PIEZO2: variants seen among roughly 807,000 people sequenced by gnomAD.
PIEZO2 encodes piezo-type mechanosensitive ion channel component 2.
PIEZO2 carries 172 observed loss-of-function variants against 337.3 expected under a neutral mutation model. The ratio of observed to expected loss-of-function variants is 0.51; its 90% CI spans 0.45 to 0.58. The LOEUF (loss-of-function observed/expected upper bound fraction) is 0.58, where lower values mean the gene tolerates loss of function less well. PIEZO2 is among the 20% of genes least tolerant of loss of function. The pLI is 0.00. For missense variants in PIEZO2, 3,028 were observed against 3,391.3 expected (o/e 0.89, Z 2.66); for synonymous variants, 1,251 against 1,228.5 (o/e 1.02, Z -0.38).
At chr18:10,696,014 A>T in intron 47 of PIEZO2, 60 bp downstream of exon 47, 1 of 1,482,782 alleles carries the variant, frequency 6.7e-7, no homozygotes, top group South Asian at 1.1e-5. Context: ...TGCGAGTATC[A>T]CCTCAGGAAA....
chr18:10,995,267 A>G (rs927279836), intron 2 of PIEZO2, among the ~76,000 whole-genome samples: 1 of 152,028 alleles, frequency 6.6e-6, no homozygotes, highest in African/African-American at 2.4e-5. Flanking sequence ...GGCCATCTGT[A>G]TATCTTCTGA....
chr18:10,869,187 T>C (rs1180096048), intron 5 of PIEZO2, among the ~76,000 whole-genome samples: 6 of 152,216 alleles, frequency 3.9e-5, no homozygotes, highest in South Asian at 2.1e-4. Context: ...CTAGGTGATA[T>C]AGTATTAGTG....
At chr18:10,747,008 C>A (rs182937272) in intron 30 of PIEZO2, among the ~76,000 whole-genome samples, 1 of 152,172 alleles carries the variant, frequency 6.6e-6, no homozygotes, top group African/African-American at 2.4e-5. Flanking sequence ...GTGAACATCA[C>A]CTCTTTGTAA....
rs950851489 is a variant in PIEZO2, at chr18:10,969,188, A to G, written c.286+10347T>C. 6.6e-6 allele frequency among the ~76,000 whole-genome samples: 1 copy of G among 152,190 alleles called. No individual in the cohort carries two copies. Among genetic ancestry groups the G allele is most frequent in the African/African-American group, 2.4e-5 (1 of 41,456 alleles). On this transcript the variant is annotated intron_variant, in intron 3 of 55. Transcript: ENST00000674853. This position sits in a 1 kb window ranked among gnomAD's most constrained non-coding sequence, Gnocchi z 4.5. ...TTATAGCTTTACATTGTTCGTCTATAATTTTGAGGTTGAGTTTACTTCCAT... is the reference window on the plus strand; with the variant it reads ...TTATAGCTTTACATTGTTCGTCTATGATTTTGAGGTTGAGTTTACTTCCAT...
intron 2 of PIEZO2, among the ~76,000 whole-genome samples, chr18:11,030,013 C>A (rs568198423): frequency 3.3e-5 from 5 of 152,290 alleles, no homozygotes; most frequent in South Asian, 2.1e-4. Flanking sequence ...AATTAGGTAA[C>A]TTTTACTCCC....
intron 2 of PIEZO2, among the ~76,000 whole-genome samples, chr18:10,987,812 T>A (rs1357028585): frequency 6.6e-6 from 1 of 151,988 alleles, no homozygotes; most frequent in Non-Finnish European, 1.5e-5. Context: ...GAGGTTAATA[T>A]ACAAAATATA....
chr18:11,055,007 C>A (rs1292066315), intron 2 of PIEZO2, among the ~76,000 whole-genome samples: 1 of 152,046 alleles, frequency 6.6e-6, no homozygotes, highest in Non-Finnish European at 1.5e-5. Context: ...GTCAGGAGAT[C>A]AAGACTATCC....
In PIEZO2 at chr18:10,895,188, G is replaced by A. The variant is rs1298224008; in HGVS notation, c.329+15998C>T. 6.6e-6 allele frequency among the ~76,000 whole-genome samples: 1 copy of A among 152,210 alleles called. No individual in the cohort carries two copies. Among genetic ancestry groups the A allele is most frequent in the East Asian group, 1.9e-4 (1 of 5,184 alleles). On this transcript the variant is annotated intron_variant, in intron 4 of 55. Transcript: ENST00000674853. The surrounding 1 kb of genome is among the most constrained non-coding windows in gnomAD (Gnocchi z 4.8). Reference sequence around the variant, plus strand: ...TGGCCGAGCATGGTGGCTCATGCCTGTAATCCCAGCATTTTGGGAGGCCAA... The same window carrying A: ...TGGCCGAGCATGGTGGCTCATGCCTATAATCCCAGCATTTTGGGAGGCCAA...
At chr18:10,901,617 T>G (rs988056385) in intron 4 of PIEZO2, among the ~76,000 whole-genome samples, 8 of 152,202 alleles carry the variant, frequency 5.3e-5, no homozygotes, top group African/African-American at 1.9e-4. Flanking sequence ...CTTTGAACCT[T>G]GGTTTCTATG....
chr18:11,087,421 C>G (rs1256464078), intron 1 of PIEZO2, among the ~76,000 whole-genome samples: 1 of 152,152 alleles, frequency 6.6e-6, no homozygotes, highest in Non-Finnish European at 1.5e-5. Flanking sequence ...CTCTCCCAAG[C>G]AATGCACTTG....
intron 3 of PIEZO2, among the ~76,000 whole-genome samples, chr18:10,949,828 T>G (rs2033205862): frequency 6.6e-6 from 1 of 152,210 alleles, no homozygotes; most frequent in South Asian, 2.1e-4. Context: ...CCTCTCCTAT[T>G]TCTCAACTTA....
intron 2 of PIEZO2, among the ~76,000 whole-genome samples, chr18:10,981,374 T>C (rs549553160): frequency 6.6e-6 from 1 of 152,230 alleles, no homozygotes; most frequent in African/African-American, 2.4e-5. Flanking sequence ...AGATAATATA[T>C]TGTATCTAAG....
chr18:10,998,582 T>C (rs1598804935), intron 2 of PIEZO2, among the ~76,000 whole-genome samples: 1 of 152,194 alleles, frequency 6.6e-6, no homozygotes, highest in East Asian at 1.9e-4. Flanking sequence ...ACCTAATAAA[T>C]ATCCACTCAT....
intron 21 of PIEZO2, among the ~76,000 whole-genome samples, chr18:10,769,212 C>T (rs908292311): frequency 6.6e-6 from 1 of 152,204 alleles, no homozygotes; most frequent in African/African-American, 2.4e-5. Flanking sequence ...ATTTGGGCTC[C>T]ATTTAACGTA....
In PIEZO2 at chr18:10,877,576, C is replaced by T; in HGVS notation, c.330-6161G>A. Among the ~76,000 whole-genome samples the T allele has an allele frequency of 6.6e-6, 1 of 152,144 alleles. No homozygotes were observed. Among genetic ancestry groups the T allele is most frequent in the East Asian group, 1.9e-4 (1 of 5,186 alleles). On this transcript the variant is annotated intron_variant, in intron 4 of 55. Coordinates refer to ENST00000674853, the MANE Select transcript of PIEZO2 (RefSeq NM_001378183.1). The surrounding 1 kb of genome is among the most constrained non-coding windows in gnomAD (Gnocchi z 5.3). ...TAGTGACCAAAACAGAACCTGGAAG[C>T]TTCCATTCTCTCACTGAAAGACTGG...
chr18:10,870,951 T>G lies in PIEZO2; in HGVS notation c.492+302A>C, dbSNP rs1262759749. Among the ~76,000 whole-genome samples the G allele has an allele frequency of 6.6e-6, 1 of 152,114 alleles. No homozygotes were observed. Among genetic ancestry groups the G allele is most frequent in the Non-Finnish European group, 1.5e-5 (1 of 68,026 alleles). On this transcript the variant is annotated intron_variant, in intron 5 of 55. Coordinates refer to ENST00000674853, the MANE Select transcript of PIEZO2 (RefSeq NM_001378183.1). This position sits in a 1 kb window ranked among gnomAD's most constrained non-coding sequence, Gnocchi z 5.3. Reference sequence around the variant, plus strand: ...ACCAATTGAACCATAACACTATGTATGACCTTGCACGGTTAGCCTCCGAGA... The same window carrying G: ...ACCAATTGAACCATAACACTATGTAGGACCTTGCACGGTTAGCCTCCGAGA...
At chr18:10,712,170 G>A (rs2035847188) in intron 39 of PIEZO2, among the ~76,000 whole-genome samples, 1 of 152,214 alleles carries the variant, frequency 6.6e-6, no homozygotes, top group Non-Finnish European at 1.5e-5. Context: ...TAACTAGGAA[G>A]CAGCACCAGT....
In PIEZO2 at chr18:10,672,484, G is replaced by A. The variant is rs1446230575; in HGVS notation, c.8345+206C>T. ...TGGAGTAAAGAAGCCATATACCTGGGCTGTGTGAGTCACACTGGGAGTTTT... is the reference window on the plus strand; with the variant it reads ...TGGAGTAAAGAAGCCATATACCTGGACTGTGTGAGTCACACTGGGAGTTTT... On this transcript the variant is annotated intron_variant, in intron 55 of 55. Coordinates refer to ENST00000674853, the MANE Select transcript of PIEZO2 (RefSeq NM_001378183.1). The surrounding 1 kb of genome is among the most constrained non-coding windows in gnomAD (Gnocchi z 4.7). Among the ~76,000 whole-genome samples the A allele has an allele frequency of 6.6e-6, 1 of 152,162 alleles. No homozygotes were observed. Among genetic ancestry groups the A allele is most frequent in the Non-Finnish European group, 1.5e-5 (1 of 68,032 alleles).
chr18:11,139,359 A>G (rs1008520972), intron 1 of PIEZO2, among the ~76,000 whole-genome samples: 1 of 152,348 alleles, frequency 6.6e-6, no homozygotes, highest in Middle Eastern at 3.4e-3. Context: ...AAATAAAAGA[A>G]GGAGGAAGAG....
Sources: gnomAD v4.1 joint callset for allele counts (sites outside exome capture counted in the v4.1 genomes callset) on GRCh38, gnomAD v4.1.1 for gene constraint, Gnocchi (gnomAD v3.1) non-coding constraint, MANE v1.5 for transcripts, NCBI Gene and HGNC (gene_info 2026-07-23, HGNC 2026-07-21) for gene names.